The following CD2AP variants were observed in gnomAD, a reference collection of about 807,000 sequenced individuals.
CD2AP encodes the protein CD2 associated protein.
In CD2AP, 46 loss-of-function variants were observed where a neutral mutation model predicts 85.1. The observed-to-expected ratio is 0.54, with a 90% CI of 0.43 to 0.69. The LOEUF (loss-of-function observed/expected upper bound fraction) is 0.69. CD2AP is among the 30% of genes least tolerant of loss of function. The probability of loss-of-function intolerance (pLI) is 0.00; values close to 1 mark genes in which losing one functional copy is unlikely to be tolerated. For missense variants in CD2AP, 769 were observed against 729.5 expected (o/e 1.05, Z -0.62); for synonymous variants, 255 against 252.9 (o/e 1.01, Z -0.08).
At chr6:47,553,284 A>G (rs1767576202) in intron 4 of CD2AP, among the ~76,000 whole-genome samples, 1 of 152,044 alleles carries the variant, frequency 6.6e-6, no homozygotes, top group African/African-American at 2.4e-5. Context: ...ATCTTTTTCT[A>G]GCTATATTGT....
At chr6:47,565,537 A>C (rs1767969653) in intron 5 of CD2AP, among the ~76,000 whole-genome samples, 1 of 152,128 alleles carries the variant, frequency 6.6e-6, no homozygotes, top group Non-Finnish European at 1.5e-5. Flanking sequence ...GATGTCTAAT[A>C]GGCATCTTAA....
At chr6:47,570,426 G>C (rs1266057466) in intron 5 of CD2AP, among the ~76,000 whole-genome samples, 5 of 152,030 alleles carry the variant, frequency 3.3e-5, no homozygotes, top group African/African-American at 7.2e-5. Flanking sequence ...AAAGTATATG[G>C]GTATTAAAGT....
rs1255511932 is a variant in CD2AP, at chr6:47,624,591, TG to T, written c.*365del. On this transcript the variant is annotated 3_prime_UTR_variant, in exon 18 of 18. Transcript: ENST00000359314. Reference sequence around the variant, plus strand: ...TATGGTGATATATTTACAAGTAATCTGTTAAGATATACTATTTGAGAGGGAC... The same window carrying T: ...TATGGTGATATATTTACAAGTAATCTTTAAGATATACTATTTGAGAGGGAC... The T allele has an allele frequency of 1.7e-5, 2 of 116,826 alleles. No homozygotes were observed. Among genetic ancestry groups the T allele is most frequent in the Admixed American group, 1.4e-4 (1 of 6,946 alleles). 7.2% of individuals were successfully genotyped at this position (116,826 alleles called of 1,614,324 possible).
At chr6:47,489,967 C>CTTTTTGTTT (rs1562000362) in intron 1 of CD2AP, among the ~76,000 whole-genome samples, 2 of 121,700 alleles carry the variant, frequency 1.6e-5, no homozygotes, top group African/African-American at 6.7e-5. Context: ...TCTAAAGAGA[C>CTTTTTGTTT]TTTTTTTTTT....
chr6:47,490,353 C>T (rs1765704011), intron 1 of CD2AP, among the ~76,000 whole-genome samples: 1 of 152,020 alleles, frequency 6.6e-6, no homozygotes, highest in South Asian at 2.1e-4. Context: ...AAAAGTTTTC[C>T]TAGAGTTGTT....
intron 9 of CD2AP, 22 bp from the exon 10 acceptor site, chr6:47,580,842 T>C: frequency 6.3e-7 from 1 of 1,588,118 alleles, no homozygotes; most frequent in Non-Finnish European, 8.6e-7. Flanking sequence ...GTCAGCCGTT[T>C]CCACCATTAT....
chr6:47,490,496 T>G (rs1765707269), intron 1 of CD2AP, among the ~76,000 whole-genome samples: 1 of 152,186 alleles, frequency 6.6e-6, no homozygotes, highest in Admixed American at 6.5e-5. Flanking sequence ...ATGATAATAT[T>G]TAATTGAATT....
At chr6:47,584,229 C>T (rs1352133591) in intron 11 of CD2AP, among the ~76,000 whole-genome samples, 2 of 152,134 alleles carry the variant, frequency 1.3e-5, no homozygotes, top group Non-Finnish European at 2.9e-5. Context: ...TTGATTGAAG[C>T]TTATCAATTA....
rs1261105417 is a variant in CD2AP at position 47,625,565 on chromosome 6, AT to A, written c.*1344del. The A allele has an allele frequency of 8.6e-5, 13 of 151,956 alleles. No homozygotes were observed. The East Asian group carries it at 2.1e-3, about 25-fold the overall frequency. The allele number at this position is 151,956 out of a possible 1,614,324, so 9.4% of individuals were successfully genotyped here. A position where few individuals can be genotyped will look rare whatever the true frequency, so the allele number is the denominator to read the frequency against. On this transcript the variant is annotated 3_prime_UTR_variant, in exon 18 of 18. Coordinates refer to ENST00000359314, the MANE Select transcript of CD2AP (RefSeq NM_012120.3). ...TTTATTTAAATTTTTAAAATTTGAA[AT>A]TTTTTATTTGCAAAAAATTGTTTTA...
At chr6:47,542,939 T>G (rs963118947) in intron 3 of CD2AP, among the ~76,000 whole-genome samples, 4 of 151,056 alleles carry the variant, frequency 2.6e-5, no homozygotes, top group African/African-American at 9.7e-5. Context: ...TCACCTGAGG[T>G]CAGGAGTTTG....
intron 17 of CD2AP, among the ~76,000 whole-genome samples, chr6:47,613,925 T>C (rs1423673702): frequency 1.3e-5 from 2 of 152,230 alleles, no homozygotes; most frequent in Non-Finnish European, 2.9e-5. Context: ...CTTCCACTTT[T>C]ATGTCATGGA....
intron 2 of CD2AP, among the ~76,000 whole-genome samples, chr6:47,511,427 G>T (rs1766311574): frequency 6.6e-6 from 1 of 152,184 alleles, no homozygotes; most frequent in Non-Finnish European, 1.5e-5. Context: ...ATACATTTTG[G>T]TTTCCTGGAT....
chr6:47,542,178 T>C (rs1169145720), intron 3 of CD2AP, among the ~76,000 whole-genome samples: 1 of 152,236 alleles, frequency 6.6e-6, no homozygotes, highest in Non-Finnish European at 1.5e-5. Flanking sequence ...TCTCATTATG[T>C]ATTCAAGTTT....
At chr6:47,503,536 G>A (rs1766053115) in intron 2 of CD2AP, 96 bp downstream of exon 2, 3 of 1,126,146 alleles carry the variant, frequency 2.7e-6, no homozygotes, top group Non-Finnish European at 3.9e-6. Context: ...AAATGTTTTA[G>A]ATAAATGTTT....
At chr6:47,602,244 C>T (rs1197365839) in intron 13 of CD2AP, among the ~76,000 whole-genome samples, 2 of 151,772 alleles carry the variant, frequency 1.3e-5, no homozygotes, top group Admixed American at 6.6e-5. Context: ...AATGACATGA[C>T]ATAACTTTTT....
intron 1 of CD2AP, among the ~76,000 whole-genome samples, chr6:47,485,180 T>A (rs1765536699): frequency 1.3e-5 from 2 of 152,202 alleles, no homozygotes; most frequent in African/African-American, 4.8e-5. Flanking sequence ...ATCTTCTACT[T>A]ATTAAAAGAA....
intron 4 of CD2AP, among the ~76,000 whole-genome samples, chr6:47,551,294 T>G (rs1275423566): frequency 3.3e-5 from 5 of 152,218 alleles, no homozygotes. Flanking sequence ...TCAACATGTA[T>G]GTTTTGATAC....
chr6:47,609,492 C>T (rs1312776731), intron 16 of CD2AP, 188 bp downstream of exon 16: 8 of 228,478 alleles, frequency 3.5e-5, no homozygotes, highest in Admixed American at 7.1e-5. Context: ...GCCTGGACGA[C>T]ATGACAAAAC....
In CD2AP at chr6:47,576,606, T is replaced by G. The variant is rs775449594; in HGVS notation, c.808+4T>G. ...GATACCGAAGGTAAAATTAAAGGTA[T>G]GTTTTTGAATAAAGCTTTCATATTG... On this transcript the variant is annotated splice_donor_region_variant and intron_variant, in intron 7 of 17. Transcript: ENST00000359314. 2.9e-5 allele frequency: 46 copies of G among 1,587,578 alleles called. 2 individuals are homozygous for G. The South Asian group carries it at 5.1e-4, about 18-fold the overall frequency.
Sources: allele counts gnomAD v4.1 joint callset (sites outside exome capture counted in the v4.1 genomes callset), GRCh38; gene constraint gnomAD v4.1.1; transcripts MANE v1.5; gene names NCBI Gene and HGNC (gene_info 2026-07-23, HGNC 2026-07-21).